ZNF93: variants seen among roughly 807,000 people sequenced by gnomAD.
ZNF93 encodes the protein zinc finger protein 505.
In ZNF93, 29 loss-of-function variants were observed where a neutral mutation model predicts 45.0. The ratio of observed to expected loss-of-function variants is 0.64; its 90% CI spans 0.48 to 0.88. The LOEUF (loss-of-function observed/expected upper bound fraction) is 0.88, where lower values mean the gene tolerates loss of function less well. Ranked by LOEUF, ZNF93 falls within the 40% of genes least tolerant of loss-of-function variation. The probability of loss-of-function intolerance (pLI) is 0.00; values close to 1 mark genes in which losing one functional copy is unlikely to be tolerated. For missense variants in ZNF93, 578 were observed against 724.0 expected, an observed-to-expected ratio of 0.80 and a Z score of 2.31; for synonymous variants, 223 against 244.6, an observed-to-expected ratio of 0.91 and a Z score of 0.82.
intron 3 of ZNF93, among the ~76,000 whole-genome samples, chr19:19,925,896 A>G (rs1056797068): frequency 3.9e-5 from 6 of 152,160 alleles, no homozygotes; most frequent in East Asian, 1.9e-4. Flanking sequence ...GCATATATTT[A>G]AAACAAAAGT....
At chr19:19,902,685 G>A (rs1449934164) in intron 1 of ZNF93, among the ~76,000 whole-genome samples, 1 of 151,876 alleles carries the variant, frequency 6.6e-6, no homozygotes, top group African/African-American at 2.4e-5. Context: ...CAGAAAGCTG[G>A]GGCCCCACAA....
At chr19:19,912,033 C>T (rs1242797279) in intron 1 of ZNF93, among the ~76,000 whole-genome samples, 4 of 152,032 alleles carry the variant, frequency 2.6e-5, no homozygotes, top group Non-Finnish European at 5.9e-5. Context: ...ACAAGCATGA[C>T]CCACCGCGCT....
chr19:19,931,849 ATATCT>A (rs1235086746), intron 3 of ZNF93, among the ~76,000 whole-genome samples: 2 of 152,182 alleles, frequency 1.3e-5, no homozygotes, highest in Non-Finnish European at 2.9e-5. Flanking sequence ...TGTATAAATA[ATATCT>A]TAGTAATCAT....
chr19:19,913,729 CAT>C (rs564453625), intron 1 of ZNF93, among the ~76,000 whole-genome samples: 74 of 152,176 alleles, frequency 4.9e-4, no homozygotes, highest in Admixed American at 8.5e-4. Context: ...AGCAGGTAAA[CAT>C]GTGGTACACC....
chr19:19,916,589 G>T lies in ZNF93; in HGVS notation c.160G>T (p.Ala54Ser), dbSNP rs373401112. 60 of 1,611,550 alleles carry T rather than the reference G, an allele frequency of 3.7e-5. No homozygotes were observed. The highest frequency in any genetic ancestry group is 3.3e-4 in the Middle Eastern group (2 of 6,068). Reference sequence around the variant, plus strand: ...TGTTGTCTCTAAGCCAGACCTGATCGCCCATCTGGAGCAAGGAAAAAAACC... The same window carrying T: ...TGTTGTCTCTAAGCCAGACCTGATCTCCCATCTGGAGCAAGGAAAAAAACC... ...GIVVSKPDLIAHLEQGKKPLT... is the reference protein window; with the variant it reads ...GIVVSKPDLISHLEQGKKPLT... Residue 54 changes from alanine to serine, a missense_variant, in exon 3 of 4, where the codon GCC becomes TCC. This residue lies in a region of ZNF93 where 446 missense variants were observed against 547.6 expected (regional missense o/e 0.81). Coordinates refer to ENST00000343769, the MANE Select transcript of ZNF93 (RefSeq NM_031218.4).
In ZNF93 at chr19:19,915,361, T is replaced by C. The variant is rs769092287; in HGVS notation, c.85T>C (p.Tyr29His). The C allele has an allele frequency of 1.2e-6, 2 of 1,614,108 alleles. No individual in the cohort carries two copies. The highest frequency in any genetic ancestry group is 8.5e-7 in the Non-Finnish European group (1 of 1,179,994). Residue 29 changes from tyrosine to histidine, a missense_variant, in exon 2 of 4, where the codon TAT becomes CAT. This residue lies in a region of ZNF93 where 446 missense variants were observed against 547.6 expected (regional missense o/e 0.81). Transcript: ENST00000343769. ...HCLDTAQRNLYRNVMLENYSN... is the reference protein window; with the variant it reads ...HCLDTAQRNLHRNVMLENYSN... ...CCTGGACACTGCACAGCGGAATCTA[T>C]ATAGGAATGTGATGTTAGAGAACTA...
chr19:19,914,479 G>T (rs114962498), intron 1 of ZNF93, among the ~76,000 whole-genome samples: 2,214 of 152,266 alleles, frequency 0.015, 59 homozygotes, highest in African/African-American at 0.05. Context: ...TTTCAACAGT[G>T]ATACTGTGTT....
intron 1 of ZNF93, among the ~76,000 whole-genome samples, chr19:19,910,120 C>G (rs934029454): frequency 1.3e-5 from 2 of 152,174 alleles, no homozygotes; most frequent in African/African-American, 4.8e-5. Context: ...CCTCCTCTTG[C>G]TAAATGCTCA....
chr19:19,913,872 T>G (rs1327362132), intron 1 of ZNF93, among the ~76,000 whole-genome samples: 1 of 152,220 alleles, frequency 6.6e-6, no homozygotes, highest in Non-Finnish European at 1.5e-5. Context: ...GATGAAGAGC[T>G]GTGTCCACTC....
intron 1 of ZNF93, among the ~76,000 whole-genome samples, chr19:19,912,692 T>C (rs2063312697): frequency 6.6e-6 from 1 of 152,172 alleles, no homozygotes; most frequent in Non-Finnish European, 1.5e-5. Context: ...TAGCTTTTAT[T>C]CTATACAATT....
chr19:19,910,948 A>G (rs1038435831), intron 1 of ZNF93, among the ~76,000 whole-genome samples: 1 of 152,194 alleles, frequency 6.6e-6, no homozygotes, highest in African/African-American at 2.4e-5. Flanking sequence ...AGATTTTCAC[A>G]TCTTGTTCAT....
chr19:19,927,824 C>T (rs780617391), intron 3 of ZNF93, among the ~76,000 whole-genome samples: 1 of 152,202 alleles, frequency 6.6e-6, no homozygotes, highest in Non-Finnish European at 1.5e-5. Context: ...TCTCAGCTCT[C>T]TGCAACCTCT....
In ZNF93 at chr19:19,934,001, C is replaced by G. The variant is rs75974774; in HGVS notation, c.1046C>G (p.Ala349Gly). Residue 349 changes from alanine (A) to glycine (G), a missense_variant, in exon 4 of 4, where the codon GCC (alanine) becomes GGC (glycine). Physicochemically the swap from Ala to Gly is moderately conservative, Grantham distance 60 (BLOSUM62 0). This residue lies in a region of ZNF93 where 446 missense variants were observed against 547.6 expected (regional missense o/e 0.81). Coordinates refer to ENST00000343769, the MANE Select transcript of ZNF93 (RefSeq NM_031218.4). ...TACAAGTGTAATAAATGTGGCAAAG[C>G]CTTTATTGCATCCTCAACCCTTAGT... ...KPYKCNKCGK[A>G]FIASSTLSRH... The G allele has an allele frequency of 2.5e-6, 4 of 1,612,834 alleles. No homozygotes were observed. The highest frequency in any genetic ancestry group is 3.4e-6 in the Non-Finnish European group (4 of 1,179,468).
intron 1 of ZNF93, among the ~76,000 whole-genome samples, chr19:19,905,836 C>G (rs555107865): frequency 4.6e-5 from 7 of 152,070 alleles, no homozygotes; most frequent in Non-Finnish European, 8.8e-5. Context: ...AGGCAATCCA[C>G]CAGCCTCAGC....
At chr19:19,914,699 C>T in intron 1 of ZNF93, 1 of 271,766 alleles carries the variant, frequency 3.7e-6, no homozygotes. Context: ...ATATAGTTTT[C>T]TATGGAAGAT....
rs552423748 is a variant in ZNF93 at position 19,915,001 on chromosome 19, G to A, written c.4-279G>A. On this transcript the variant is annotated intron_variant, in intron 1 of 3. Coordinates refer to ENST00000343769, the MANE Select transcript of ZNF93 (RefSeq NM_031218.4). ...TCTCATTCTGTATGATGTAAATATA[G>A]CACTCAAAAATGTACATGTTCATGT... Among the ~76,000 whole-genome samples the A allele has an allele frequency of 8.5e-5, 13 of 152,254 alleles. No homozygotes were observed. In the South Asian group the frequency reaches 2.5e-3, roughly 29 times the overall value.
intron 1 of ZNF93, among the ~76,000 whole-genome samples, chr19:19,901,968 T>A (rs761725880): frequency 2.6e-5 from 4 of 152,088 alleles, no homozygotes; most frequent in Non-Finnish European, 5.9e-5. Flanking sequence ...CAGGCGTCTG[T>A]AATCCCAGCT....
At chr19:19,920,345 C>T (rs574018084) in intron 3 of ZNF93, among the ~76,000 whole-genome samples, 6 of 152,268 alleles carry the variant, frequency 3.9e-5, no homozygotes, top group South Asian at 2.1e-4. Flanking sequence ...TTGCTGGATT[C>T]GGTTTGCCAG....
Position 19,916,555 on chromosome 19 carries a change from A to AACAGGTATTG in ZNF93, c.131-4_136dup, listed in dbSNP as rs1233578050. The AACAGGTATTG allele has an allele frequency of 6.2e-7, 1 of 1,610,098 alleles. No individual in the cohort carries two copies. The highest frequency in any genetic ancestry group is 1.3e-5 in the African/African-American group (1 of 74,776). On this transcript the variant is annotated splice_region_variant and splice_polypyrimidine_tract_variant and intron_variant, in intron 2 of 3. Transcript: ENST00000343769. ...GATTCATGTTATTTATTCTTAACAA[A>AACAGGTATTG]ACAGGTATTGTTGTCTCTAAGCCAG...
Sources: allele counts gnomAD v4.1 joint callset (sites outside exome capture counted in the v4.1 genomes callset), GRCh38; gene constraint gnomAD v4.1.1; regional missense constraint gnomAD v4.1.1; transcripts MANE v1.5; gene names NCBI Gene and HGNC (gene_info 2026-07-23, HGNC 2026-07-21).